Variants in ST6GALNAC3 observed in about 807,000 individuals in gnomAD.
The protein encoded by ST6GALNAC3 is ST6 N-acetylgalactosaminide alpha-2,6-sialyltransferase 3, also known as alpha-N-acetylgalactosaminide alpha-2,6-sialyltransferase 3.
ST6GALNAC3 carries 25 observed loss-of-function variants against 32.7 expected under a neutral mutation model. The ratio of observed to expected loss-of-function variants is 0.76; its 90% confidence interval spans 0.56 to 1.07. The LOEUF (loss-of-function observed/expected upper bound fraction) is 1.07, where lower values mean the gene tolerates loss of function less well. ST6GALNAC3 is among the 50% of genes least tolerant of loss of function. The pLI is 0.00. For synonymous variants in ST6GALNAC3, 129 were observed against 133.1 expected (o/e 0.97, Z 0.21); for missense variants, 355 against 382.4 (o/e 0.93, Z 0.60).
At chr1:76,209,469 T>C (rs776891525) in intron 1 of ST6GALNAC3, among the ~76,000 whole-genome samples, 3 of 152,236 alleles carry the variant, frequency 2.0e-5, no homozygotes, top group Non-Finnish European at 2.9e-5. Flanking sequence ...GATGTAGGAC[T>C]GTATCCTCAC....
intron 1 of ST6GALNAC3, among the ~76,000 whole-genome samples, chr1:76,142,397 C>T (rs1255192120): frequency 1.3e-5 from 2 of 152,184 alleles, no homozygotes; most frequent in African/African-American, 4.8e-5. Flanking sequence ...CTCTTGTCTT[C>T]ATGCTCCATC....
intron 1 of ST6GALNAC3, among the ~76,000 whole-genome samples, chr1:76,192,475 G>C (rs577991434): frequency 6.6e-6 from 1 of 152,184 alleles, no homozygotes; most frequent in South Asian, 2.1e-4. Context: ...CGAAGGAGAA[G>C]GTAAAGAGAG....
At chr1:76,501,883 T>A (rs1171156308) in intron 3 of ST6GALNAC3, among the ~76,000 whole-genome samples, 1 of 152,242 alleles carries the variant, frequency 6.6e-6, no homozygotes, top group Non-Finnish European at 1.5e-5. Context: ...TGGAATTGAT[T>A]CAACAAATCA....
At chr1:76,346,346 C>T (rs1174236618) in intron 2 of ST6GALNAC3, among the ~76,000 whole-genome samples, 1 of 152,170 alleles carries the variant, frequency 6.6e-6, no homozygotes, top group Non-Finnish European at 1.5e-5. Flanking sequence ...AAGGCCCATG[C>T]TTTCAACCAC....
chr1:76,567,410 G>T lies in ST6GALNAC3; in HGVS notation c.624-60042G>T, dbSNP rs192908412. 2.0e-5 allele frequency among the ~76,000 whole-genome samples: 3 copies of T among 152,190 alleles called. No homozygotes were observed. The East Asian group carries it at 5.8e-4, about 29-fold the overall frequency. ...AAAGAAAAAGGGAGGACTACCAGTT[G>T]TTATTTACTTATGACATTTTACTGG... On this transcript the variant is annotated intron_variant, in intron 3 of 4. Coordinates refer to ENST00000328299, the MANE Select transcript of ST6GALNAC3 (RefSeq NM_152996.4).
At chr1:76,122,855 G>A (rs904974909) in intron 1 of ST6GALNAC3, among the ~76,000 whole-genome samples, 20 of 152,192 alleles carry the variant, frequency 1.3e-4, no homozygotes, top group African/African-American at 4.8e-4. Flanking sequence ...TGAGGATTGA[G>A]ACGAGAGCTA....
At chr1:76,150,022 T>G (rs1005177343) in intron 1 of ST6GALNAC3, among the ~76,000 whole-genome samples, 26 of 152,188 alleles carry the variant, frequency 1.7e-4, no homozygotes, top group African/African-American at 5.1e-4. Context: ...CTGGGAAGAA[T>G]GGGGACTCAG....
chr1:76,168,720 T>C (rs939707246), intron 1 of ST6GALNAC3, among the ~76,000 whole-genome samples: 1 of 152,212 alleles, frequency 6.6e-6, no homozygotes, highest in African/African-American at 2.4e-5. Context: ...TCATATGTAA[T>C]GCCCTTCTTT....
At chr1:76,128,936 C>T (rs1028284140) in intron 1 of ST6GALNAC3, among the ~76,000 whole-genome samples, 3 of 152,222 alleles carry the variant, frequency 2.0e-5, no homozygotes, top group Non-Finnish European at 2.9e-5. Flanking sequence ...CAGCAAGATA[C>T]GTTGGCAATA....
chr1:76,338,972 G>A (rs1455026019), intron 2 of ST6GALNAC3, among the ~76,000 whole-genome samples: 2 of 152,184 alleles, frequency 1.3e-5, no homozygotes, highest in African/African-American at 2.4e-5. Context: ...TCACTTATCT[G>A]AAGAGGTCTA....
intron 1 of ST6GALNAC3, among the ~76,000 whole-genome samples, chr1:76,168,782 C>T (rs958665976): frequency 8.6e-5 from 13 of 151,922 alleles, no homozygotes; most frequent in Non-Finnish European, 1.6e-4. Context: ...ACTGAGATTG[C>T]AACTCTTGCT....
At chr1:76,277,277 G>A (rs563654060) in intron 1 of ST6GALNAC3, among the ~76,000 whole-genome samples, 59 of 151,146 alleles carry the variant, frequency 3.9e-4, no homozygotes, top group African/African-American at 1.2e-3. Context: ...TTTACATATG[G>A]GCTTATATAT....
chr1:76,208,223 C>A (rs1654943233), intron 1 of ST6GALNAC3, among the ~76,000 whole-genome samples: 1 of 152,224 alleles, frequency 6.6e-6, no homozygotes, highest in Non-Finnish European at 1.5e-5. Context: ...CCCCTAGACC[C>A]CAGGGATATA....
intron 1 of ST6GALNAC3, among the ~76,000 whole-genome samples, chr1:76,188,516 C>G (rs1203287020): frequency 6.6e-6 from 1 of 152,116 alleles, no homozygotes; most frequent in Non-Finnish European, 1.5e-5. Context: ...TTTACCTACT[C>G]TTTTAAGCAC....
intron 1 of ST6GALNAC3, among the ~76,000 whole-genome samples, chr1:76,277,177 C>T (rs1661036715): frequency 6.6e-6 from 1 of 151,852 alleles, no homozygotes; most frequent in Non-Finnish European, 1.5e-5. Context: ...CAAACTATTC[C>T]TTATGGTTGA....
At chr1:76,455,459 A>G (rs1195497911) in intron 3 of ST6GALNAC3, among the ~76,000 whole-genome samples, 7 of 152,154 alleles carry the variant, frequency 4.6e-5, no homozygotes. Flanking sequence ...GATTTAGTGT[A>G]TATAGGTTTT....
intron 3 of ST6GALNAC3, among the ~76,000 whole-genome samples, chr1:76,492,249 A>G (rs946694784): frequency 1.3e-5 from 2 of 152,206 alleles, no homozygotes; most frequent in African/African-American, 2.4e-5. Flanking sequence ...GCACAGGCCT[A>G]CAAAATTACT....
At chr1:76,342,146 T>A (rs11162126) in intron 2 of ST6GALNAC3, among the ~76,000 whole-genome samples, 32,196 of 152,098 alleles carry the variant, frequency 0.21, 3,672 homozygotes, top group Admixed American at 0.31. Context: ...TCTTTGCTAT[T>A]GTGAATAGTG....
chr1:76,611,583 A>T (rs1159497448), intron 3 of ST6GALNAC3, among the ~76,000 whole-genome samples: 1 of 152,158 alleles, frequency 6.6e-6, no homozygotes, highest in African/African-American at 2.4e-5. Flanking sequence ...ATCTAAGTGA[A>T]TTGTTGGGAA....
Sources: gnomAD v4.1 joint callset for allele counts (sites outside exome capture counted in the v4.1 genomes callset) on GRCh38, gnomAD v4.1.1 for gene constraint, MANE v1.5 for transcripts, NCBI Gene and HGNC (gene_info 2026-07-23, HGNC 2026-07-21) for gene names.